The following MFN2 variants were observed in gnomAD, a reference collection of about 807,000 sequenced individuals.
MFN2 encodes mitofusin-2.
In MFN2, 43 loss-of-function variants were observed where a neutral mutation model predicts 87.5. The ratio of observed to expected loss-of-function variants is 0.49; its 90% CI spans 0.38 to 0.63. MFN2 has a LOEUF of 0.63. MFN2 is among the 30% of genes least tolerant of loss of function. The pLI is 0.00. For synonymous variants in MFN2, 337 were observed against 359.9 expected, an observed-to-expected ratio of 0.94 and a Z score of 0.72; for missense variants, 743 against 972.8, an observed-to-expected ratio of 0.76 and a Z score of 3.14.
Position 12,002,093 on chromosome 1 carries a change from C to G in MFN2, c.1150C>G (p.Arg384Gly). ...CATGGACTCCCTGCACATGGCGGCT[C>G]GGGAGCAGCAGTAAGAGTCCAAGAC... is the stretch of plus-strand genomic sequence containing the variant. ...LIMDSLHMAAREQQVYCEEMR... is the reference protein window; with the variant it reads ...LIMDSLHMAAGEQQVYCEEMR... Residue 384 changes from arginine (R) to glycine (G), a missense_variant, in exon 11 of 19, where the codon CGG becomes GGG. Transcript: ENST00000235329. The G allele has an allele frequency of 4.3e-6, 7 of 1,614,184 alleles. No homozygotes were observed. The highest frequency in any genetic ancestry group is 5.1e-6 in the Non-Finnish European group (6 of 1,180,028).
chr1:11,992,505 G>A (rs1638731321), intron 3 of MFN2, 50 bp from the exon 4 acceptor site: 1 of 1,613,392 alleles, frequency 6.2e-7, no homozygotes, highest in Non-Finnish European at 8.5e-7. Flanking sequence ...ACTTGGGACT[G>A]TGGAACTCCT....
intron 4 of MFN2, among the ~76,000 whole-genome samples, 185 bp from the exon 5 acceptor site, chr1:11,995,971 G>A (rs1184091970): frequency 2.0e-5 from 3 of 152,294 alleles, no homozygotes; most frequent in Non-Finnish European, 4.4e-5. Flanking sequence ...GCATGTCAGA[G>A]GTTTGGGCCT....
In MFN2 at chr1:12,006,533, C is replaced by T. The variant is rs1639425658; in HGVS notation, c.1717-5C>T. 6.2e-7 allele frequency: 1 copy of T among 1,614,022 alleles called. No individual in the cohort carries two copies. Among genetic ancestry groups the T allele is most frequent in the African/African-American group, 1.3e-5 (1 of 74,932 alleles). ...CCCTCACCCCTCTCATGTTTCTCTC[C>T]TCAGGTCCAGCGTCCCATCCCTCTG... On this transcript the variant is annotated splice_polypyrimidine_tract_variant and splice_region_variant and intron_variant, in intron 15 of 18. Transcript: ENST00000235329.
chr1:11,981,206 A>G (rs536310168), intron 1 of MFN2, among the ~76,000 whole-genome samples: 2 of 152,136 alleles, frequency 1.3e-5, no homozygotes, highest in Non-Finnish European at 2.9e-5. Context: ...AGCTCAATGT[A>G]GTTAAAAAAG....
chr1:12,006,794 A>G (rs1019737766), intron 16 of MFN2, 101 bp downstream of exon 16: 1 of 1,508,938 alleles, frequency 6.6e-7, no homozygotes, highest in African/African-American at 1.4e-5. Flanking sequence ...GCCACACTCC[A>G]CAGTCCACTG....
At chr1:12,006,044 T>G in intron 15 of MFN2, 113 bp downstream of exon 15, 2 of 958,200 alleles carry the variant, frequency 2.1e-6, no homozygotes, top group Non-Finnish European at 3.3e-6. Context: ...GCTGTGGTGG[T>G]GTGCCCCACC....
In MFN2 at chr1:12,004,414, G is replaced by A; in HGVS notation, c.1288-95G>A. On this transcript the variant is annotated intron_variant, in intron 12 of 18. Coordinates refer to ENST00000235329, the MANE Select transcript of MFN2 (RefSeq NM_014874.4). This position sits in a 1 kb window ranked among gnomAD's most constrained non-coding sequence, Gnocchi z 4.2. ...AGCTGAGGAGGCTGCTGGTTTGAGA[G>A]GAAGGATGTGCCATCTGCTAGGATC... The A allele has an allele frequency of 8.9e-7, 1 of 1,128,180 alleles. No homozygotes were observed. The highest frequency in any genetic ancestry group is 1.4e-6 in the Non-Finnish European group (1 of 737,970). The allele number at this position is 1,128,180 out of a possible 1,614,324, so 69.9% of individuals were successfully genotyped here. A position where few individuals can be genotyped will look rare whatever the true frequency, so the allele number is the denominator to read the frequency against.
rs1198727465 is a variant in MFN2, at chr1:12,003,899, C to A, written c.1161-93C>A. ...TGTGCAGCCCTGCCAGGCAAGATAG[C>A]GGGCAGGGCGGCGTGGGATTTCTGG... is the stretch of plus-strand genomic sequence containing the variant. On this transcript the variant is annotated intron_variant, in intron 11 of 18. Coordinates refer to ENST00000235329, the MANE Select transcript of MFN2 (RefSeq NM_014874.4). This position sits in a 1 kb window ranked among gnomAD's most constrained non-coding sequence, Gnocchi z 4.1. The A allele has an allele frequency of 1.3e-6, 2 of 1,543,020 alleles. No homozygotes were observed. Among genetic ancestry groups the A allele is most frequent in the East Asian group, 4.5e-5 (2 of 44,216 alleles).
intron 3 of MFN2, 139 bp from the exon 4 acceptor site, chr1:11,992,416 G>A: frequency 9.4e-7 from 1 of 1,063,564 alleles, no homozygotes; most frequent in Non-Finnish European, 1.5e-6. Flanking sequence ...TAGAGGATCT[G>A]GAGCTCAGCC....
chr1:11,986,591 C>CTT lies in MFN2; in HGVS notation c.-4-2558_-4-2557dup, dbSNP rs555735351. Among the ~76,000 whole-genome samples, 403 of 136,778 alleles carry CTT rather than the reference C, an allele frequency of 2.9e-3. 4 individuals are homozygous for CTT. Among genetic ancestry groups the CTT allele is most frequent in the African/African-American group, 0.01 (376 of 36,630 alleles). 89.7% of individuals were successfully genotyped at this position (136,778 alleles called of 152,430 possible). ...TCTGGTGTGTACGCCTCTTTTTGAT[C>CTT]TTTTTTTTTTTTTTTTTGAGATGGA... On this transcript the variant is annotated intron_variant, in intron 2 of 18. Transcript: ENST00000235329.
chr1:12,011,928 A>G lies in MFN2; in HGVS notation c.*363A>G. On this transcript the variant is annotated 3_prime_UTR_variant, in exon 19 of 19. Transcript: ENST00000235329. ...TCATGGAAGCCTTTGAGGGTATCACACAGACACCCCCACCTTCCTCCAGCC... is the reference window on the plus strand; with the variant it reads ...TCATGGAAGCCTTTGAGGGTATCACGCAGACACCCCCACCTTCCTCCAGCC... 1 of 323,980 alleles carries G rather than the reference A, an allele frequency of 3.1e-6. No individual in the cohort carries two copies. 20.1% of individuals were successfully genotyped at this position (323,980 alleles called of 1,614,324 possible).
At position 12,004,519 on chromosome 1, in the gene MFN2, C is replaced by T; in HGVS notation, c.1298C>T (p.Ala433Val). ...TEEVERQVST[A>V]MAEEIRRLSV... ...TTCCTTTTGCTGTAGGTGTCGACTG[C>T]AATGGCCGAGGAGATCAGGCGCCTC... Residue 433 changes from alanine (A) to valine (V), a missense_variant, in exon 13 of 19, where the codon GCA becomes GTA. Physicochemically the swap from Ala to Val is moderately conservative, Grantham distance 64. Transcript: ENST00000235329. The surrounding 1 kb of genome is among the most constrained non-coding windows in gnomAD (Gnocchi z 4.2). 1 of 1,614,138 alleles carries T rather than the reference C, an allele frequency of 6.2e-7. No individual in the cohort carries two copies. The highest frequency in any genetic ancestry group is 8.5e-7 in the Non-Finnish European group (1 of 1,179,994).
chr1:12,005,934 A>AAGC lies in MFN2; in HGVS notation c.1716+5_1716+7dup, dbSNP rs752255181. 1 of 1,613,020 alleles carries AAGC rather than the reference A, an allele frequency of 6.2e-7. No individual in the cohort carries two copies. Among genetic ancestry groups the AAGC allele is most frequent in the Non-Finnish European group, 8.5e-7 (1 of 1,179,920 alleles). On this transcript the variant is annotated splice_donor_region_variant and intron_variant, in intron 15 of 18. Transcript: ENST00000235329. ...CCTTGATGGGCTACAATGACCAGGC[A>AAGC]AGCAAAGTTCCTCACCTCAAGGGCA...
At position 12,002,435 on chromosome 1, in the gene MFN2, TG is replaced by T. The variant is rs1268951016; in HGVS notation, c.1160+333del. 1.5e-4 allele frequency among the ~76,000 whole-genome samples: 23 copies of T among 152,386 alleles called. No individual in the cohort carries two copies. In the East Asian group the frequency reaches 4.4e-3, roughly 29 times the overall value. On this transcript the variant is annotated intron_variant, in intron 11 of 18. Coordinates refer to ENST00000235329, the MANE Select transcript of MFN2 (RefSeq NM_014874.4). The stretch of plus-strand genomic sequence containing the variant: ...CCAGCCAGGAGCAGTGACTCACACC[TG>T]TGATCTCAACACTTTGGGAGACCAA...
intron 8 of MFN2, among the ~76,000 whole-genome samples, chr1:12,000,441 C>T (rs965032547): frequency 2.6e-5 from 4 of 152,154 alleles, no homozygotes; most frequent in South Asian, 4.1e-4. Context: ...CCGCCCGCCT[C>T]GGCCTCCCAA....
chr1:12,007,325 T>G, intron 17 of MFN2, 76 bp downstream of exon 17: 9 of 1,541,392 alleles, frequency 5.8e-6, no homozygotes, highest in Non-Finnish European at 7.1e-6. Flanking sequence ...CCCATCTCTC[T>G]TCCCACGTGG....
rs370335693 is a variant in MFN2, at chr1:12,006,538, G to A, written c.1717G>A (p.Val573Ile). The A allele has an allele frequency of 1.2e-6, 2 of 1,614,030 alleles. No homozygotes were observed. Among genetic ancestry groups the A allele is most frequent in the Non-Finnish European group, 1.7e-6 (2 of 1,180,034 alleles). ...RRALMGYNDQ[V>I]QRPIPLTPAN... is the part of the protein sequence containing the mutation. ...ACCCCTCTCATGTTTCTCTCCTCAG[G>A]TCCAGCGTCCCATCCCTCTGACGCC... is the stretch of plus-strand genomic sequence containing the variant. Residue 573 changes from valine (V) to isoleucine (I), a missense_variant and splice_region_variant, in exon 16 of 19, where the codon GTC (valine) becomes ATC (isoleucine). Transcript: ENST00000235329.
chr1:11,981,918 G>GTATTTTTTTTTTT (rs1553139243), intron 1 of MFN2, 52 bp from the exon 2 acceptor site: 4 of 66,828 alleles, frequency 6.0e-5, no homozygotes, highest in Non-Finnish European at 2.6e-5. Context: ...TTGTACACCA[G>GTATTTTTTTTTTT]TGTTTTTTTT....
At chr1:11,998,343 C>T (rs921017732) in intron 6 of MFN2, among the ~76,000 whole-genome samples, 2 of 151,614 alleles carry the variant, frequency 1.3e-5, no homozygotes, top group African/African-American at 4.8e-5. Context: ...GTCAAGAGAT[C>T]GAGACCAGCC....
Sources: gnomAD v4.1 joint callset for allele counts (sites outside exome capture counted in the v4.1 genomes callset) on GRCh38, gnomAD v4.1.1 for gene constraint, Gnocchi (gnomAD v3.1) non-coding constraint, MANE v1.5 for transcripts, NCBI Gene and HGNC (gene_info 2026-07-23, HGNC 2026-07-21) for gene names.